The following DPF3 variants were observed in gnomAD, a reference collection of about 807,000 sequenced individuals.
DPF3 encodes zinc finger protein DPF3.
In DPF3, 18 loss-of-function variants were observed where a neutral mutation model predicts 56.8. The ratio of observed to expected loss-of-function variants is 0.32; its 90% CI spans 0.22 to 0.47. DPF3 has a LOEUF of 0.47. Among genes scored for constraint, DPF3 ranks in the 20% least tolerant of loss-of-function variants. The probability of loss-of-function intolerance (pLI) is 1.00; values close to 1 mark genes in which losing one functional copy is unlikely to be tolerated. For synonymous variants in DPF3, 188 were observed against 180.2 expected (o/e 1.04, Z -0.35); for missense variants, 403 against 488.8 (o/e 0.82, Z 1.65).
intron 1 of DPF3, among the ~76,000 whole-genome samples, chr14:72,816,080 T>G (rs1265313641): frequency 2.0e-5 from 3 of 152,220 alleles, no homozygotes; most frequent in Non-Finnish European, 2.9e-5. Context: ...TGTTCAACCC[T>G]AAGGCCTCTG....
At chr14:72,820,874 G>A (rs1883500262) in intron 1 of DPF3, among the ~76,000 whole-genome samples, 1 of 151,878 alleles carries the variant, frequency 6.6e-6, no homozygotes, top group Admixed American at 6.6e-5. Context: ...GCTCACTCCT[G>A]TAATCCCAGC....
At chr14:72,853,031 T>TTGTGTGTGTGTGTGTGTG (rs1358702920) in intron 1 of DPF3, among the ~76,000 whole-genome samples, 4 of 51,948 alleles carry the variant, frequency 7.7e-5, no homozygotes, top group Admixed American at 2.5e-4. Flanking sequence ...TGCCATAGCC[T>TTGTGTGTGTGTGTGTGTG]TGCGTGTGTG....
intron 1 of DPF3, among the ~76,000 whole-genome samples, chr14:72,855,476 C>T (rs1483553017): frequency 6.6e-6 from 1 of 152,166 alleles, no homozygotes; most frequent in African/African-American, 2.4e-5. Flanking sequence ...GTAGAAGAAG[C>T]ATTGGTCTGT....
At chr14:72,694,282 C>T (rs996677448) in intron 6 of DPF3, among the ~76,000 whole-genome samples, 1 of 151,368 alleles carries the variant, frequency 6.6e-6, no homozygotes, top group African/African-American at 2.4e-5. Flanking sequence ...CTATGCTTGT[C>T]CCCCAGCCTG....
chr14:72,789,049 G>A (rs1892324615), intron 1 of DPF3, among the ~76,000 whole-genome samples: 1 of 152,168 alleles, frequency 6.6e-6, no homozygotes, highest in African/African-American at 2.4e-5. Flanking sequence ...TAATGGTGTG[G>A]CTACTTATTC....
intron 3 of DPF3, among the ~76,000 whole-genome samples, chr14:72,733,599 GC>G (rs1214964728): frequency 1.3e-5 from 2 of 152,126 alleles, no homozygotes; most frequent in African/African-American, 4.8e-5. Flanking sequence ...CCATCAGCCT[GC>G]TGCGTCCTCT....
chr14:72,710,178 T>G (rs1888592567), intron 6 of DPF3, among the ~76,000 whole-genome samples: 1 of 152,212 alleles, frequency 6.6e-6, no homozygotes, highest in African/African-American at 2.4e-5. Context: ...GGCAAACTCT[T>G]GAAATGACTT....
chr14:72,801,471 T>C (rs1599454011), intron 1 of DPF3, among the ~76,000 whole-genome samples: 1 of 152,208 alleles, frequency 6.6e-6, no homozygotes, highest in African/African-American at 2.4e-5. Flanking sequence ...TGGTGAGTCA[T>C]ACAGAACCAC....
intron 1 of DPF3, among the ~76,000 whole-genome samples, chr14:72,817,558 C>G (rs1395367223): frequency 6.6e-6 from 1 of 152,152 alleles, no homozygotes; most frequent in Admixed American, 6.5e-5. Flanking sequence ...CCGGTAGTCC[C>G]AGCTACTTAG....
At chr14:72,729,602 A>G (rs990281068) in intron 4 of DPF3, among the ~76,000 whole-genome samples, 3 of 152,218 alleles carry the variant, frequency 2.0e-5, no homozygotes, top group Admixed American at 6.5e-5. Flanking sequence ...ATTAAAAAGA[A>G]ATGAGCTATC....
At chr14:72,718,143 G>C (rs1162382327) in intron 5 of DPF3, among the ~76,000 whole-genome samples, 2 of 146,670 alleles carry the variant, frequency 1.4e-5, no homozygotes, top group East Asian at 4.2e-4. Flanking sequence ...GAGAAGTAGA[G>C]GCCAGAAACC....
At chr14:72,637,355 G>T (rs1400652311) in intron 8 of DPF3, among the ~76,000 whole-genome samples, 2 of 152,158 alleles carry the variant, frequency 1.3e-5, no homozygotes, top group Non-Finnish European at 2.9e-5. Context: ...ACTCAACTTG[G>T]GGCCAATGCA....
At chr14:72,811,931 A>G (rs1005049617) in intron 1 of DPF3, among the ~76,000 whole-genome samples, 2 of 152,038 alleles carry the variant, frequency 1.3e-5, no homozygotes, top group Admixed American at 6.6e-5. Context: ...GAGCTGCAGT[A>G]AAGTCTTGAG....
At chr14:72,690,530 CAT>C (rs1887628556) in intron 7 of DPF3, among the ~76,000 whole-genome samples, 1 of 131,890 alleles carries the variant, frequency 7.6e-6, no homozygotes, top group African/African-American at 2.4e-5. Context: ...CAAGCACACA[CAT>C]GCACAAACAA....
rs1386031212 is a variant in DPF3 at position 72,610,219 on chromosome 14, G to A, written c.*9078C>T. ...GACATCAATGGAGGCAGCAATTGGA[G>A]ATCTCAGTGTGTTTCCAGGGTCTCT... On this transcript the variant is annotated 3_prime_UTR_variant, in exon 11 of 11. Coordinates refer to ENST00000556509, the MANE Select transcript of DPF3 (RefSeq NM_001280542.3). Among the ~76,000 whole-genome samples the A allele has an allele frequency of 6.6e-6, 1 of 152,234 alleles. No homozygotes were observed. The highest frequency in any genetic ancestry group is 1.5e-5 in the Non-Finnish European group (1 of 68,038).
At chr14:72,661,596 A>G in intron 8 of DPF3, 5 of 985,498 alleles carry the variant, frequency 5.1e-6, no homozygotes, top group Non-Finnish European at 6.0e-6. Context: ...GCCGAGATAC[A>G]TCCCATCGGC....
At chr14:72,852,828 A>C (rs1186775852) in intron 1 of DPF3, among the ~76,000 whole-genome samples, 1 of 152,240 alleles carries the variant, frequency 6.6e-6, no homozygotes, top group African/African-American at 2.4e-5. Context: ...CACTACATAC[A>C]TACTGTTTGC....
chr14:72,705,843 G>A (rs151334548), intron 6 of DPF3, among the ~76,000 whole-genome samples: 2 of 152,310 alleles, frequency 1.3e-5, no homozygotes, highest in East Asian at 3.9e-4. Context: ...CAATGTGGGA[G>A]GCAGCCTACC....
At chr14:72,656,423 AG>A (rs952661980) in intron 8 of DPF3, among the ~76,000 whole-genome samples, 1 of 152,200 alleles carries the variant, frequency 6.6e-6, no homozygotes, top group African/African-American at 2.4e-5. Flanking sequence ...GTGCCTTGCC[AG>A]GTGATGGCCA....
Sources: gnomAD v4.1 joint callset for allele counts (sites outside exome capture counted in the v4.1 genomes callset) on GRCh38, gnomAD v4.1.1 for gene constraint, MANE v1.5 for transcripts, NCBI Gene and HGNC (gene_info 2026-07-23, HGNC 2026-07-21) for gene names.